The following EPB41L4A variants were observed in gnomAD, a reference collection of about 807,000 sequenced individuals.
The protein encoded by EPB41L4A is band 4.1-like protein 4A.
A neutral mutation model predicts 108.6 loss-of-function variants in EPB41L4A; 100 were observed. That is an observed-to-expected ratio of 0.92 (90% CI 0.78 to 1.09). The LOEUF (loss-of-function observed/expected upper bound fraction) is 1.09, where lower values mean the gene tolerates loss of function less well. Ranked by LOEUF, EPB41L4A falls within the 50% of genes least tolerant of loss-of-function variation. The pLI, the probability that EPB41L4A is intolerant of heterozygous loss-of-function variation, is 0.00. For synonymous variants in EPB41L4A, 319 were observed against 289.0 expected, an observed-to-expected ratio of 1.10 and a Z score of -1.05; for missense variants, 1,030 against 842.7, an observed-to-expected ratio of 1.22 and a Z score of -2.75.
intron 7 of EPB41L4A, among the ~76,000 whole-genome samples, chr5:112,261,723 G>C (rs372650487): frequency 1.3e-5 from 2 of 152,160 alleles, no homozygotes; most frequent in African/African-American, 4.8e-5. Flanking sequence ...ACCTACAGTA[G>C]GTGGTAACCT....
At position 112,271,041 on chromosome 5, in the gene EPB41L4A, C is replaced by T. The variant is rs559615641; in HGVS notation, c.335+4285G>A. On this transcript the variant is annotated intron_variant, in intron 4 of 22. Transcript: ENST00000261486. The stretch of plus-strand genomic sequence containing the variant: ...CAAGACAACTGACAGATTCTCTCTT[C>T]GGGCAGACTGAAACCAGATCTTGCC... Among the ~76,000 whole-genome samples, 34 of 152,264 alleles carry T rather than the reference C, an allele frequency of 2.2e-4. No individual in the cohort carries two copies. In the East Asian group the frequency reaches 5.0e-3, roughly 22 times the overall value.
At chr5:112,314,698 C>A (rs1755317169) in intron 1 of EPB41L4A, among the ~76,000 whole-genome samples, 1 of 151,646 alleles carries the variant, frequency 6.6e-6, no homozygotes, top group African/African-American at 2.4e-5. Context: ...GAGGCTGAGA[C>A]AGGAAAATTG....
intron 18 of EPB41L4A, among the ~76,000 whole-genome samples, chr5:112,171,884 T>C (rs1760599918): frequency 1.3e-5 from 2 of 152,196 alleles, no homozygotes. Flanking sequence ...ACTGATCCTA[T>C]GGAATTGTAT....
In EPB41L4A at chr5:112,334,299, T is replaced by C. The variant is rs4475289; in HGVS notation, c.100-26809A>G. 5.5e-3 allele frequency among the ~76,000 whole-genome samples: 831 copies of C among 152,302 alleles called. 8 individuals are homozygous for C. Among genetic ancestry groups the C allele is most frequent in the African/African-American group, 0.019 (796 of 41,550 alleles). On this transcript the variant is annotated intron_variant, in intron 1 of 22. Transcript: ENST00000261486. ...TATATTTCTTTGACATATTTTGAAA[T>C]GGCCCTGCAAAGCTGTCTCTTGTGG...
Position 112,301,629 on chromosome 5 carries a change from A to G in EPB41L4A, c.204+5757T>C, listed in dbSNP as rs559769387. Among the ~76,000 whole-genome samples, 5 of 152,284 alleles carry G rather than the reference A, an allele frequency of 3.3e-5. No homozygotes were observed. The South Asian group carries it at 1.0e-3, about 32-fold the overall frequency. On this transcript the variant is annotated intron_variant, in intron 2 of 22. Coordinates refer to ENST00000261486, the MANE Select transcript of EPB41L4A (RefSeq NM_022140.5). ...AGCTTTCTTGGTATATTTCTGCAGT[A>G]GTTCTGGAGCAAAATTTCACAATGC...
chr5:112,214,800 G>A (rs769164199), intron 12 of EPB41L4A, among the ~76,000 whole-genome samples: 2 of 151,882 alleles, frequency 1.3e-5, no homozygotes, highest in Non-Finnish European at 2.9e-5. Flanking sequence ...AACACAGAGG[G>A]CAATTTTCCT....
At chr5:112,267,108 T>C (rs1238312849) in intron 4 of EPB41L4A, among the ~76,000 whole-genome samples, 1 of 152,184 alleles carries the variant, frequency 6.6e-6, no homozygotes, top group East Asian at 1.9e-4. Flanking sequence ...TAGTTTTATT[T>C]TTTTTCTTAT....
intron 17 of EPB41L4A, among the ~76,000 whole-genome samples, chr5:112,191,723 AT>A (rs1368113542): frequency 1.3e-5 from 2 of 152,054 alleles, no homozygotes; most frequent in Non-Finnish European, 2.9e-5. Context: ...AGGGAGCAAC[AT>A]CCCAAAGACC....
At chr5:112,264,081 G>GGA (rs1751677636) in intron 6 of EPB41L4A, 1 of 152,246 alleles carries the variant, frequency 6.6e-6, no homozygotes, top group Non-Finnish European at 1.5e-5. Context: ...CCAAAGTGCT[G>GGA]GGATTGCAGG....
Position 112,170,319 on chromosome 5 carries a change from ATC to A in EPB41L4A, c.1719_1720del (p.Glu573AspfsTer5). ...CACTCACTCTATTTTAGTGTATGGA[ATC>A]TCTTTTAATTGTTCTTCGGACAATC... On this transcript the variant is annotated frameshift_variant, in exon 20 of 23. Coordinates refer to ENST00000261486, the MANE Select transcript of EPB41L4A (RefSeq NM_022140.5). LOFTEE classifies it high-confidence loss of function. The A allele has an allele frequency of 6.2e-7, 1 of 1,613,390 alleles. No individual in the cohort carries two copies. Among genetic ancestry groups the A allele is most frequent in the Non-Finnish European group, 8.5e-7 (1 of 1,179,716 alleles).
chr5:112,267,531 C>T (rs1368375277), intron 4 of EPB41L4A, among the ~76,000 whole-genome samples: 2 of 152,178 alleles, frequency 1.3e-5, no homozygotes, highest in Non-Finnish European at 2.9e-5. Context: ...GCACCCCCGC[C>T]TTCAGATGTC....
At chr5:112,366,722 A>C (rs1461407838) in intron 1 of EPB41L4A, among the ~76,000 whole-genome samples, 1 of 152,182 alleles carries the variant, frequency 6.6e-6, no homozygotes, top group Non-Finnish European at 1.5e-5. Context: ...CTCAAGGCAC[A>C]GAGCAGCATG....
intron 12 of EPB41L4A, among the ~76,000 whole-genome samples, chr5:112,221,553 T>G (rs1023523009): frequency 6.6e-6 from 1 of 152,196 alleles, no homozygotes; most frequent in Non-Finnish European, 1.5e-5. Flanking sequence ...AGACAATTTA[T>G]ATAAAGCCTT....
At chr5:112,324,932 C>G (rs964197000) in intron 1 of EPB41L4A, among the ~76,000 whole-genome samples, 7 of 152,040 alleles carry the variant, frequency 4.6e-5, no homozygotes, top group Non-Finnish European at 1.0e-4. Flanking sequence ...CTACAACAAT[C>G]TTTTTGAAAA....
At chr5:112,355,373 TTTC>T (rs1279238670) in intron 1 of EPB41L4A, among the ~76,000 whole-genome samples, 3 of 152,194 alleles carry the variant, frequency 2.0e-5, no homozygotes, top group Non-Finnish European at 2.9e-5. Context: ...AAGTATGAAA[TTTC>T]TTCACAGACT....
chr5:112,373,259 G>T (rs1173503082), intron 1 of EPB41L4A, among the ~76,000 whole-genome samples: 1 of 152,174 alleles, frequency 6.6e-6, no homozygotes, highest in Non-Finnish European at 1.5e-5. Flanking sequence ...GACCCCAGAA[G>T]GGTTAAGAGC....
intron 22 of EPB41L4A, among the ~76,000 whole-genome samples, chr5:112,166,099 G>A (rs546101400): frequency 3.3e-5 from 5 of 152,320 alleles, no homozygotes; most frequent in East Asian, 1.9e-4. Context: ...TTGTAAGTTT[G>A]TCTAGGATTG....
chr5:112,373,947 G>A lies in EPB41L4A; in HGVS notation c.99+44994C>T, dbSNP rs141767234. Among the ~76,000 whole-genome samples the A allele has an allele frequency of 4.9e-3, 750 of 152,278 alleles. 12 individuals carry two copies. The highest frequency in any genetic ancestry group is 0.017 in the African/African-American group (720 of 41,550). On this transcript the variant is annotated intron_variant, in intron 1 of 22. Transcript: ENST00000261486. ...CTTCCAGAAAATCAGATTAATATATGAAGAAGAGAAAACATTCATTTTTCA... is the reference window on the plus strand; with the variant it reads ...CTTCCAGAAAATCAGATTAATATATAAAGAAGAGAAAACATTCATTTTTCA...
At chr5:112,211,335 G>A (rs1040026641) in intron 12 of EPB41L4A, among the ~76,000 whole-genome samples, 1 of 152,194 alleles carries the variant, frequency 6.6e-6, no homozygotes, top group Non-Finnish European at 1.5e-5. Flanking sequence ...TGTCATCCCA[G>A]CACTTTGGGA....
Sources: gnomAD v4.1 joint callset for allele counts (sites outside exome capture counted in the v4.1 genomes callset) on GRCh38, gnomAD v4.1.1 for gene constraint, MANE v1.5 for transcripts, NCBI Gene and HGNC (gene_info 2026-07-23, HGNC 2026-07-21) for gene names.